CFAP299: variants seen among roughly 807,000 people sequenced by gnomAD.
The protein encoded by CFAP299 is cilia and flagella associated protein 299.
In CFAP299, 21 loss-of-function variants were observed where a neutral mutation model predicts 27.0. The observed-to-expected ratio is 0.78, with a 90% CI of 0.55 to 1.12. CFAP299 has a LOEUF of 1.12. Among genes scored for constraint, CFAP299 ranks in the 50% most tolerant of loss-of-function variants. The pLI, the probability that CFAP299 is intolerant of heterozygous loss-of-function variation, is 0.00. For missense variants in CFAP299, 310 were observed against 276.6 expected (o/e 1.12, Z -0.86); for synonymous variants, 104 against 98.1 (o/e 1.06, Z -0.36).
intron 3 of CFAP299, among the ~76,000 whole-genome samples, chr4:80,779,449 C>G (rs1560747396): frequency 6.6e-6 from 1 of 152,080 alleles, no homozygotes; most frequent in Non-Finnish European, 1.5e-5. Flanking sequence ...TGCGACCAGG[C>G]AAGTCACCTG....
At chr4:80,387,280 G>T in intron 2 of CFAP299, 2 of 1,611,398 alleles carry the variant, frequency 1.2e-6, no homozygotes, top group Admixed American at 1.7e-5. Context: ...GGTGGCTCTT[G>T]ATGTGCTCCA....
chr4:80,462,836 AT>A (rs1177580370), intron 2 of CFAP299, among the ~76,000 whole-genome samples: 1 of 152,112 alleles, frequency 6.6e-6, no homozygotes, highest in Non-Finnish European at 1.5e-5. Context: ...TTTTTCCTCA[AT>A]GAATGACAAA....
At chr4:80,833,534 G>T (rs1429296379) in intron 3 of CFAP299, among the ~76,000 whole-genome samples, 3 of 152,056 alleles carry the variant, frequency 2.0e-5, no homozygotes, top group Non-Finnish European at 4.4e-5. Context: ...ACATAAATGA[G>T]AAAATTTTCT....
chr4:80,707,143 AC>A (rs1311503821), intron 3 of CFAP299, among the ~76,000 whole-genome samples: 2 of 151,928 alleles, frequency 1.3e-5, no homozygotes, highest in African/African-American at 4.8e-5. Flanking sequence ...CTGACCAGTA[AC>A]CCAGACCTGT....
chr4:80,825,314 G>A (rs6816536), intron 3 of CFAP299, among the ~76,000 whole-genome samples: 2,429 of 151,932 alleles, frequency 0.016, 27 homozygotes, highest in Non-Finnish European at 0.025. Context: ...AATATGAAAG[G>A]ATCAGAAGGA....
intron 3 of CFAP299, among the ~76,000 whole-genome samples, chr4:80,861,416 A>T (rs1278633685): frequency 6.6e-6 from 1 of 152,104 alleles, no homozygotes; most frequent in African/African-American, 2.4e-5. Context: ...CACTGAACCC[A>T]CTGACCTGTG....
intron 2 of CFAP299, among the ~76,000 whole-genome samples, chr4:80,419,610 A>G (rs1253724089): frequency 6.6e-6 from 1 of 152,126 alleles, no homozygotes; most frequent in Admixed American, 6.5e-5. Context: ...ATTATTTTAC[A>G]GAGACCGTTA....
chr4:80,666,618 A>G (rs1741152589), intron 3 of CFAP299, among the ~76,000 whole-genome samples: 1 of 152,174 alleles, frequency 6.6e-6, no homozygotes, highest in African/African-American at 2.4e-5. Flanking sequence ...TAGCTTTTCA[A>G]TACCTATAGC....
chr4:80,849,031 G>A (rs376449114), intron 3 of CFAP299, among the ~76,000 whole-genome samples: 3 of 152,030 alleles, frequency 2.0e-5, no homozygotes, highest in Middle Eastern at 3.4e-3. Context: ...CTTAACTTAC[G>A]ATGACATTTT....
intron 2 of CFAP299, chr4:80,386,205 C>G: frequency 1.1e-6 from 1 of 922,040 alleles, no homozygotes; most frequent in Non-Finnish European, 1.6e-6. Flanking sequence ...TGTAGATGAG[C>G]ACAGCGAGCA....
At position 80,892,493 on chromosome 4, in the gene CFAP299, A is replaced by C. The variant is rs150910781; in HGVS notation, c.476+22358A>C. Among the ~76,000 whole-genome samples, 98 of 152,314 alleles carry C rather than the reference A, an allele frequency of 6.4e-4. No homozygotes were observed. In the East Asian group the frequency reaches 0.016, roughly 25 times the overall value. ...CCCACAAGCACAGGCAACCAAAACA[A>C]AAATGGACAAGTGGGATCACATTAA... On this transcript the variant is annotated intron_variant, in intron 4 of 5. Transcript: ENST00000358105.
chr4:80,810,033 C>T (rs1029772395), intron 3 of CFAP299, among the ~76,000 whole-genome samples: 7 of 152,002 alleles, frequency 4.6e-5, no homozygotes, highest in Admixed American at 4.6e-4. Flanking sequence ...ATATGTAAAA[C>T]ACTTATAACA....
intron 4 of CFAP299, among the ~76,000 whole-genome samples, chr4:80,913,610 G>T (rs1735590200): frequency 6.6e-6 from 1 of 152,132 alleles, no homozygotes; most frequent in Non-Finnish European, 1.5e-5. Context: ...CGCGATTTTG[G>T]CAGAGACTGA....
intron 3 of CFAP299, among the ~76,000 whole-genome samples, chr4:80,682,479 A>G (rs1383360110): frequency 6.6e-6 from 1 of 152,178 alleles, no homozygotes; most frequent in African/African-American, 2.4e-5. Flanking sequence ...CCCTTTGGTT[A>G]TAAATGGTGT....
intron 2 of CFAP299, among the ~76,000 whole-genome samples, chr4:80,445,765 C>G (rs1040233181): frequency 2.6e-5 from 4 of 152,018 alleles, no homozygotes; most frequent in African/African-American, 9.7e-5. Context: ...ATATGTACTT[C>G]TGTGCTACTA....
At chr4:80,644,690 C>A (rs1489132070) in intron 3 of CFAP299, among the ~76,000 whole-genome samples, 1 of 152,116 alleles carries the variant, frequency 6.6e-6, no homozygotes. Flanking sequence ...AGAATTCCAA[C>A]TCTTGTTCCT....
chr4:80,478,044 T>G (rs1192350596), intron 2 of CFAP299, among the ~76,000 whole-genome samples: 2 of 152,184 alleles, frequency 1.3e-5, no homozygotes, highest in Non-Finnish European at 2.9e-5. Context: ...TGTCCTAAAC[T>G]CAAACATTAT....
At chr4:80,580,057 G>GT (rs1025576735) in intron 2 of CFAP299, among the ~76,000 whole-genome samples, 1 of 152,070 alleles carries the variant, frequency 6.6e-6, no homozygotes, top group Non-Finnish European at 1.5e-5. Context: ...TCAATTACAG[G>GT]TTTTTATTGT....
At chr4:80,573,951 T>A (rs890102828) in intron 2 of CFAP299, among the ~76,000 whole-genome samples, 7 of 152,152 alleles carry the variant, frequency 4.6e-5, no homozygotes, top group Non-Finnish European at 5.9e-5. Context: ...GGGTCTTTTG[T>A]GGTTCCATAT....
Sources: allele counts gnomAD v4.1 joint callset (sites outside exome capture counted in the v4.1 genomes callset), GRCh38; gene constraint gnomAD v4.1.1; transcripts MANE v1.5; gene names NCBI Gene and HGNC (gene_info 2026-07-23, HGNC 2026-07-21).